LENG1: variants seen among roughly 807,000 people sequenced by gnomAD.
LENG1 encodes leukocyte receptor cluster (LRC) member 1.
A neutral mutation model predicts 28.8 loss-of-function variants in LENG1; 35 were observed. The observed-to-expected ratio is 1.22, with a 90% confidence interval of 0.93 to 1.61. LENG1 has a LOEUF of 1.61. Among genes scored for constraint, LENG1 ranks in the 40% most tolerant of loss-of-function variants. The pLI is 0.00. For missense variants in LENG1, 404 were observed against 348.9 expected (o/e 1.16, Z -1.26); for synonymous variants, 170 against 140.6 (o/e 1.21, Z -1.48).
In LENG1 at chr19:54,158,320, C is replaced by T. The variant is rs946222145; in HGVS notation, c.274G>A (p.Gly92Ser). ...TTTTCTTCCTTGTACTCTTTATTGC[C>T]TCTGATCACTCCTTTCCCTTCCTCC... ...LLEEGKGVIRGNKEYKEEKRQ... is the reference protein window; with the variant it reads ...LLEEGKGVIRSNKEYKEEKRQ... The change falls in exon 2 of 4, where the codon GGC (glycine) becomes AGC (serine). Residue 92 changes from glycine to serine, a missense_variant. By Grantham distance (56) the Gly-to-Ser change is moderately conservative. Transcript: ENST00000222224. 2.4e-5 allele frequency: 38 copies of T among 1,614,078 alleles called. No homozygotes were observed. The highest frequency in any genetic ancestry group is 1.6e-4 in the Middle Eastern group (1 of 6,084).
At position 54,155,699 on chromosome 19, in the gene LENG1, C is replaced by A. The variant is rs1364938212; in HGVS notation, c.*22G>T. 6.4e-7 allele frequency: 1 copy of A among 1,574,604 alleles called. No individual in the cohort carries two copies. The highest frequency in any genetic ancestry group is 8.7e-7 in the Non-Finnish European group (1 of 1,154,046). ...TTATATGACGGCTGGCAGCAGCGGC[C>A]TCTCCTGTACCCCCTCAGGAGTCAG... is the stretch of plus-strand genomic sequence containing the variant. On this transcript the variant is annotated 3_prime_UTR_variant, in exon 4 of 4. Coordinates refer to ENST00000222224, the MANE Select transcript of LENG1 (RefSeq NM_024316.3).
In LENG1 at chr19:54,155,531, G is replaced by C; in HGVS notation, c.*190C>G. 1 of 906,448 alleles carries C rather than the reference G, an allele frequency of 1.1e-6. No individual in the cohort carries two copies. Among genetic ancestry groups the C allele is most frequent in the Non-Finnish European group, 1.6e-6 (1 of 606,218 alleles). 56.2% of individuals were successfully genotyped at this position (906,448 alleles called of 1,614,324 possible). ...ACGGGGCATCCCCCTCTCCCAGGAA[G>C]CAGGGAGGGGGCCGGGAGGTTTTCC... On this transcript the variant is annotated 3_prime_UTR_variant, in exon 4 of 4. Coordinates refer to ENST00000222224, the MANE Select transcript of LENG1 (RefSeq NM_024316.3).
In LENG1 at chr19:54,155,865, C is replaced by T. The variant is rs922425989; in HGVS notation, c.651G>A (p.Leu217=). 1 of 1,612,982 alleles carries T rather than the reference C, an allele frequency of 6.2e-7. No individual in the cohort carries two copies. The highest frequency in any genetic ancestry group is 8.5e-7 in the Non-Finnish European group (1 of 1,179,862). Residue 217 remains leucine (L), a synonymous_variant, in exon 4 of 4, where the codon CTG becomes CTA. Transcript: ENST00000222224. ...EAAERSRAEA[L]LARVQGRALQ... ...GTGCCCGGCCTTGGACCCGGGCCAG[C>T]AGGGCCTCTGCCCGAGACCTCTCAG...
chr19:54,155,653 A>C lies in LENG1; in HGVS notation c.*68T>G, dbSNP rs1304802995. The C allele has an allele frequency of 7.1e-7, 1 of 1,410,472 alleles. No individual in the cohort carries two copies. Among genetic ancestry groups the C allele is most frequent in the Non-Finnish European group, 9.6e-7 (1 of 1,042,474 alleles). 87.4% of individuals were successfully genotyped at this position (1,410,472 alleles called of 1,614,324 possible). On this transcript the variant is annotated 3_prime_UTR_variant, in exon 4 of 4. Transcript: ENST00000222224. ...TGGTAAACCTATTTTCATTTTGGAA[A>C]ATATTTATGAATAAATAGTTTTATA...
rs773317847 is a variant in LENG1, at chr19:54,156,598, A to AC, written c.575+164dup. On this transcript the variant is annotated intron_variant, in intron 3 of 3. Coordinates refer to ENST00000222224, the MANE Select transcript of LENG1 (RefSeq NM_024316.3). ...CAGCACCCCGGGAAAGGGTGTCAGG[A>AC]CCCCTAGGGCTCCCTGGACCACATG... Among the ~76,000 whole-genome samples, 10 of 152,080 alleles carry AC rather than the reference A, an allele frequency of 6.6e-5. No individual in the cohort carries two copies. The East Asian group carries it at 1.6e-3, about 24-fold the overall frequency.
chr19:54,155,604 C>G lies in LENG1; in HGVS notation c.*117G>C. 1 of 1,161,914 alleles carries G rather than the reference C, an allele frequency of 8.6e-7. No individual in the cohort carries two copies. The highest frequency in any genetic ancestry group is 1.5e-5 in the South Asian group (1 of 64,776). 72.0% of individuals were successfully genotyped at this position (1,161,914 alleles called of 1,614,324 possible). On this transcript the variant is annotated 3_prime_UTR_variant, in exon 4 of 4. Transcript: ENST00000222224. ...CGGGGGCGAGGGCTGCCCCCTCCTC[C>G]CCTCCCCAGTGAGGGACATTTTTTG...
rs369292918 is a variant in LENG1 at position 54,158,306 on chromosome 19, G to A, written c.288C>T (p.Tyr96=). The A allele has an allele frequency of 7.5e-5, 121 of 1,613,734 alleles. 1 individual carries two copies. The East Asian group carries it at 1.1e-3, about 15-fold the overall frequency. Residue 96 remains tyrosine (Y), a synonymous_variant, in exon 2 of 4, where the codon TAC becomes TAT. Coordinates refer to ENST00000222224, the MANE Select transcript of LENG1 (RefSeq NM_024316.3). The part of the protein sequence containing the change: ...GKGVIRGNKE[Y]KEEKRQEKER... ...CTTTCTCCTGTCGCTTTTCTTCCTT[G>A]TACTCTTTATTGCCTCTGATCACTC...
At chr19:54,157,375 CCT>C (rs1194703153) in intron 2 of LENG1, among the ~76,000 whole-genome samples, 1 of 152,104 alleles carries the variant, frequency 6.6e-6, no homozygotes, top group Non-Finnish European at 1.5e-5. Context: ...AGCTGATGTA[CCT>C]CTTTTTTTTG....
chr19:54,159,072 C>T (rs991626466), intron 1 of LENG1, among the ~76,000 whole-genome samples: 1 of 152,250 alleles, frequency 6.6e-6, no homozygotes, highest in East Asian at 1.9e-4. Flanking sequence ...GGCTGTCCGC[C>T]TCTCCTTAAA....
At position 54,159,705 on chromosome 19, in the gene LENG1, G is replaced by A. The variant is rs377243606; in HGVS notation, c.-10C>T. On this transcript the variant is annotated 5_prime_UTR_variant, in exon 1 of 4. Transcript: ENST00000222224. ...TGGGCAAGATATTCATGGCGTCGTA[G>A]CTGTCCAGGGACTGGCACGCCCGCC... 4.2e-5 allele frequency: 67 copies of A among 1,593,608 alleles called. No homozygotes were observed. Among genetic ancestry groups the A allele is most frequent in the Non-Finnish European group, 4.5e-5 (53 of 1,170,698 alleles).
In LENG1 at chr19:54,158,428, G is replaced by A. The variant is rs755172757; in HGVS notation, c.166C>T (p.His56Tyr). 2.5e-5 allele frequency: 41 copies of A among 1,614,076 alleles called. No individual in the cohort carries two copies. Among genetic ancestry groups the A allele is most frequent in the Non-Finnish European group, 3.4e-5 (40 of 1,180,026 alleles). The change falls in exon 2 of 4, where the codon CAT (histidine) becomes TAT (tyrosine). Residue 56 changes from histidine (H) to tyrosine (Y), a missense_variant. By Grantham distance (83) the His-to-Tyr change is moderately conservative (BLOSUM62 2). Transcript: ENST00000222224. ...RTEFLRKKARHQNSLPELEAA... is the reference protein window; with the variant it reads ...RTEFLRKKARYQNSLPELEAA... ...TCAAGCTCAGGCAGTGAGTTCTGAT[G>A]TCTGGCTTTCTTCCGTAGGAATTCT...
chr19:54,158,136 A>T (rs1046425072), intron 2 of LENG1, 146 bp downstream of exon 2: 1 of 792,228 alleles, frequency 1.3e-6, no homozygotes, highest in African/African-American at 1.7e-5. Flanking sequence ...GCAATAGCCA[A>T]CGCTTTTTGA....
intron 2 of LENG1, among the ~76,000 whole-genome samples, chr19:54,157,973 G>C (rs1020650814): frequency 6.6e-6 from 1 of 152,148 alleles, no homozygotes; most frequent in East Asian, 1.9e-4. Flanking sequence ...GCCTCCCAAG[G>C]TGGTGGGATT....
In LENG1 at chr19:54,156,954, G is replaced by A; in HGVS notation, c.384C>T (p.Pro128=). The part of the protein sequence containing the change: ...GQSAAEAQTQ[P]PWYQLPPGRG... Reference sequence around the variant, plus strand: ...GCCCTGGGGGTAGCTGGTACCAAGGGGGTTGAGTCTGTGCCTCCGCTGCAC... The same window carrying A: ...GCCCTGGGGGTAGCTGGTACCAAGGAGGTTGAGTCTGTGCCTCCGCTGCAC... Residue 128 remains proline, a synonymous_variant, in exon 3 of 4, where the codon CCC becomes CCT. Transcript: ENST00000222224. 1.2e-6 allele frequency: 2 copies of A among 1,610,852 alleles called. No individual in the cohort carries two copies. The highest frequency in any genetic ancestry group is 1.7e-6 in the Non-Finnish European group (2 of 1,178,006).
At position 54,157,005 on chromosome 19, in the gene LENG1, C is replaced by G. The variant is rs754684450; in HGVS notation, c.333G>C (p.Leu111=). The G allele has an allele frequency of 1.9e-6, 3 of 1,554,268 alleles. No individual in the cohort carries two copies. Among genetic ancestry groups the G allele is most frequent in the Non-Finnish European group, 2.6e-6 (3 of 1,149,508 alleles). The change falls in exon 3 of 4, where the codon CTG becomes CTC. Residue 111 remains leucine (L), a synonymous_variant. Coordinates refer to ENST00000222224, the MANE Select transcript of LENG1 (RefSeq NM_024316.3). ...TCTGGCCCAGGTATGTCAGGATGCC[C>G]AGAGCTTTCTCTTGCCTCTCCTGAG... The part of the protein sequence containing the change: ...RQEKERQEKA[L]GILTYLGQSA...
rs755962911 is a variant in LENG1, at chr19:54,155,845, C to A, written c.671G>T (p.Arg224Leu). The A allele has an allele frequency of 6.2e-7, 1 of 1,612,732 alleles. No homozygotes were observed. Among genetic ancestry groups the A allele is most frequent in the Admixed American group, 1.7e-5 (1 of 59,950 alleles). Residue 224 changes from arginine (R) to leucine (L), a missense_variant, in exon 4 of 4, where the codon CGG becomes CTG. Arg to Leu is a moderately radical substitution (Grantham distance 102). Coordinates refer to ENST00000222224, the MANE Select transcript of LENG1 (RefSeq NM_024316.3). The part of the protein sequence containing the change: ...AEALLARVQG[R>L]ALQEGQPEED... ...TTCCGGCTGACCCTCCTGTAGTGCC[C>A]GGCCTTGGACCCGGGCCAGCAGGGC...
chr19:54,159,641 G>C lies in LENG1; in HGVS notation c.55C>G (p.Arg19Gly). Residue 19 changes from arginine to glycine, a missense_variant, in exon 1 of 4, where the codon CGC becomes GGC. Transcript: ENST00000222224. Reference sequence around the variant, plus strand: ...GCCTGGGCCTCGTCACGCCGCACGCGGGCGACATTGTCCTTGTTCCGGACG... The same window carrying C: ...GCCTGGGCCTCGTCACGCCGCACGCCGGCGACATTGTCCTTGTTCCGGACG... ...WHVRNKDNVA[R>G]VRRDEAQARE... 1 of 1,613,174 alleles carries C rather than the reference G, an allele frequency of 6.2e-7. No homozygotes were observed. Among genetic ancestry groups the C allele is most frequent in the Non-Finnish European group, 8.5e-7 (1 of 1,179,696 alleles).
chr19:54,158,602 T>C, intron 1 of LENG1, 141 bp from the exon 2 acceptor site: 1 of 715,896 alleles, frequency 1.4e-6, no homozygotes, highest in Non-Finnish European at 2.3e-6. Flanking sequence ...AAGAGGCACC[T>C]GTCCTAGCTG....
At chr19:54,158,131 A>G in intron 2 of LENG1, 151 bp downstream of exon 2, 1 of 767,384 alleles carries the variant, frequency 1.3e-6, no homozygotes, top group East Asian at 2.5e-5. Flanking sequence ...AGACGGCAAT[A>G]GCCAACGCTT....
Sources: gnomAD v4.1 joint callset for allele counts (sites outside exome capture counted in the v4.1 genomes callset) on GRCh38, gnomAD v4.1.1 for gene constraint, MANE v1.5 for transcripts, NCBI Gene and HGNC (gene_info 2026-07-23, HGNC 2026-07-21) for gene names.